Variants in SKAP1 observed in about 807,000 individuals in gnomAD.
The protein encoded by SKAP1 is src kinase-associated phosphoprotein 1.
SKAP1 carries 44 observed loss-of-function variants against 58.5 expected under a neutral mutation model. That is an observed-to-expected ratio of 0.75 (90% confidence interval 0.59 to 0.97). The LOEUF is 0.97. Among genes scored for constraint, SKAP1 ranks in the 50% least tolerant of loss-of-function variants. The probability of loss-of-function intolerance (pLI) is 0.00; values close to 1 mark genes in which losing one functional copy is unlikely to be tolerated. For synonymous variants in SKAP1, 127 were observed against 149.7 expected, an observed-to-expected ratio of 0.85 and a Z score of 1.11; for missense variants, 390 against 435.2, an observed-to-expected ratio of 0.90 and a Z score of 0.92.
At chr17:48,356,641 T>A (rs535910018) in intron 3 of SKAP1, among the ~76,000 whole-genome samples, 1 of 152,292 alleles carries the variant, frequency 6.6e-6, no homozygotes, top group East Asian at 1.9e-4. Flanking sequence ...TGTATCCAGC[T>A]TTTCTTCCTA....
intron 1 of SKAP1, among the ~76,000 whole-genome samples, chr17:48,415,248 C>T (rs953928312): frequency 6.6e-6 from 1 of 152,020 alleles, no homozygotes; most frequent in African/African-American, 2.4e-5. Flanking sequence ...AGAAAAATGG[C>T]ATAAATTTCT....
intron 4 of SKAP1, among the ~76,000 whole-genome samples, chr17:48,287,448 G>A (rs1456431878): frequency 6.6e-6 from 1 of 151,588 alleles, no homozygotes; most frequent in Non-Finnish European, 1.5e-5. Context: ...TATTAAACTC[G>A]AAGGTGTGAA....
At chr17:48,178,274 A>G (rs2064318747) in intron 9 of SKAP1, among the ~76,000 whole-genome samples, 1 of 151,804 alleles carries the variant, frequency 6.6e-6, no homozygotes, top group African/African-American at 2.4e-5. Context: ...TTGAAAACGA[A>G]ACATGGTGCA....
At chr17:48,399,012 TC>T (rs1221259427) in intron 1 of SKAP1, among the ~76,000 whole-genome samples, 3 of 151,788 alleles carry the variant, frequency 2.0e-5, no homozygotes, top group Non-Finnish European at 4.4e-5. Context: ...AGAGCAAGAC[TC>T]CGTCTCAAAA....
At chr17:48,431,566 G>A (rs2067916139), upstream of SKAP1, among the ~76,000 whole-genome samples, 1 of 152,238 alleles carries the variant, frequency 6.6e-6, no homozygotes, top group South Asian at 2.1e-4. Flanking sequence ...GAAGGGACTT[G>A]AAAGTCAGAA....
chr17:48,312,863 C>T (rs2144185444), intron 4 of SKAP1, among the ~76,000 whole-genome samples: 1 of 152,252 alleles, frequency 6.6e-6, no homozygotes, highest in African/African-American at 2.4e-5. Context: ...CATATGATAT[C>T]TTGGAGGTGG....
chr17:48,304,029 C>A (rs6504160), intron 4 of SKAP1, among the ~76,000 whole-genome samples: 93,267 of 151,954 alleles, frequency 0.61, 29,391 homozygotes, highest in African/African-American at 0.76. Flanking sequence ...TGTGAGTTTT[C>A]AAGTTAAAAG....
chr17:48,365,633 C>A (rs980927959), intron 2 of SKAP1, among the ~76,000 whole-genome samples: 1 of 152,320 alleles, frequency 6.6e-6, no homozygotes, highest in African/African-American at 2.4e-5. Flanking sequence ...TCCCTCACTG[C>A]CCACTCACTC....
chr17:48,272,862 G>A (rs1179870247), intron 4 of SKAP1, among the ~76,000 whole-genome samples: 2 of 152,176 alleles, frequency 1.3e-5, no homozygotes, highest in African/African-American at 4.8e-5. Flanking sequence ...CAGCTGAAGA[G>A]GATCTTATTT....
At chr17:48,139,498 T>A (rs2063743381) in intron 11 of SKAP1, among the ~76,000 whole-genome samples, 1 of 152,146 alleles carries the variant, frequency 6.6e-6, no homozygotes, top group African/African-American at 2.4e-5. Context: ...AAATTTTAAG[T>A]ATGGGAAATA....
At chr17:48,417,345 CAAT>C (rs1192584032) in intron 1 of SKAP1, among the ~76,000 whole-genome samples, 1 of 152,162 alleles carries the variant, frequency 6.6e-6, no homozygotes, top group African/African-American at 2.4e-5. Context: ...GAAACTAAAA[CAAT>C]GAGAGTACTT....
chr17:48,224,041 GAGGAGGAGGAGGAGGAGGAGGAGGAGA>G (rs2065037021), intron 4 of SKAP1, among the ~76,000 whole-genome samples: 1 of 38,790 alleles, frequency 2.6e-5, no homozygotes, highest in African/African-American at 9.0e-5. Context: ...AGAGAAGAAG[GAGGAGGAGGAGGAGGAGGAGGAGGAGA>G]AGGAGGAGGA....
upstream of SKAP1, among the ~76,000 whole-genome samples, chr17:48,432,361 G>A (rs112560794): frequency 0.081 from 12,294 of 151,874 alleles, 637 homozygotes; most frequent in East Asian, 0.21. Context: ...CCCGGGGGGC[G>A]GAGGTTGCAG....
At chr17:48,203,262 C>A (rs540672051) in intron 4 of SKAP1, among the ~76,000 whole-genome samples, 1 of 152,336 alleles carries the variant, frequency 6.6e-6, no homozygotes, top group South Asian at 2.1e-4. Context: ...CTTCACTAGA[C>A]CAGTCATGTG....
chr17:48,304,720 T>C lies in SKAP1; in HGVS notation c.280+41185A>G, dbSNP rs182823875. Among the ~76,000 whole-genome samples, 5 of 152,330 alleles carry C rather than the reference T, an allele frequency of 3.3e-5. No individual in the cohort carries two copies. In the East Asian group the frequency reaches 5.8e-4, roughly 18 times the overall value. On this transcript the variant is annotated intron_variant, in intron 4 of 12. Transcript: ENST00000336915. ...GTATTTGTTTTCCAAAGACAAGCTATGGGAAGTCTTGTTTTCCAAGGCAGG... is the reference window on the plus strand; with the variant it reads ...GTATTTGTTTTCCAAAGACAAGCTACGGGAAGTCTTGTTTTCCAAGGCAGG...
intron 4 of SKAP1, among the ~76,000 whole-genome samples, chr17:48,233,651 G>A (rs1050105851): frequency 2.6e-5 from 4 of 152,016 alleles, no homozygotes; most frequent in African/African-American, 9.7e-5. Flanking sequence ...TCAGGAGTTC[G>A]AGACCAGCCT....
intron 4 of SKAP1, among the ~76,000 whole-genome samples, chr17:48,270,589 C>A (rs1419867965): frequency 2.6e-5 from 4 of 152,088 alleles, no homozygotes; most frequent in Admixed American, 6.5e-5. Flanking sequence ...GATCTGCCGG[C>A]CTCGACCTCC....
chr17:48,391,481 A>G (rs984721762), intron 2 of SKAP1, among the ~76,000 whole-genome samples: 2 of 152,218 alleles, frequency 1.3e-5, no homozygotes, highest in Admixed American at 6.5e-5. Context: ...CAATAAATAC[A>G]ACCTCTCATT....
chr17:48,433,353 G>A (rs1342511193), upstream of SKAP1, among the ~76,000 whole-genome samples: 2 of 152,190 alleles, frequency 1.3e-5, no homozygotes, highest in Non-Finnish European at 2.9e-5. Flanking sequence ...GGAGAGGTTG[G>A]CAGTAGCTGA....
Sources: allele counts gnomAD v4.1 joint callset (sites outside exome capture counted in the v4.1 genomes callset), GRCh38; gene constraint gnomAD v4.1.1; transcripts MANE v1.5; gene names NCBI Gene and HGNC (gene_info 2026-07-23, HGNC 2026-07-21).